The following TUBD1 variants were observed in gnomAD, a reference collection of about 807,000 sequenced individuals.
The protein encoded by TUBD1 is tubulin delta chain.
A neutral mutation model predicts 51.2 loss-of-function variants in TUBD1; 38 were observed. The ratio of observed to expected loss-of-function variants is 0.74; its 90% CI spans 0.57 to 0.97. The LOEUF is 0.97. Among genes scored for constraint, TUBD1 ranks in the 50% least tolerant of loss-of-function variants. The pLI is 0.00. For missense variants in TUBD1, 489 were observed against 538.4 expected (o/e 0.91, Z 0.91); for synonymous variants, 169 against 178.2 (o/e 0.95, Z 0.41).
intron 1 of TUBD1, chr17:59,891,860 G>C (rs1209068687): frequency 6.6e-6 from 1 of 152,030 alleles, no homozygotes; most frequent in African/African-American, 2.4e-5. Context: ...AGCTACTCGG[G>C]AGGCTGAGGT....
chr17:59,860,894 T>C (rs534795173), intron 8 of TUBD1, among the ~76,000 whole-genome samples: 49 of 151,762 alleles, frequency 3.2e-4, no homozygotes, highest in African/African-American at 1.2e-3. Context: ...GCCTGAACTT[T>C]CAAAATTTAT....
chr17:59,881,209 A>G (rs2040475100), intron 3 of TUBD1, 99 bp from the exon 4 acceptor site: 1 of 1,009,024 alleles, frequency 9.9e-7, no homozygotes, highest in Non-Finnish European at 1.5e-6. Flanking sequence ...TTTTTTCAAA[A>G]CTACGGAAGT....
intron 2 of TUBD1, among the ~76,000 whole-genome samples, chr17:59,887,613 A>G (rs184103114): frequency 4.0e-4 from 61 of 152,246 alleles, no homozygotes; most frequent in African/African-American, 1.4e-3. Flanking sequence ...AATGCTAGAA[A>G]AGCCTGAACT....
chr17:59,890,426 T>G (rs1272067161), intron 2 of TUBD1, among the ~76,000 whole-genome samples: 1 of 151,812 alleles, frequency 6.6e-6, no homozygotes, highest in Non-Finnish European at 1.5e-5. Flanking sequence ...GTATTTTTAG[T>G]AGAGATGGGG....
chr17:59,873,168 T>C (rs2040073481), intron 6 of TUBD1, among the ~76,000 whole-genome samples: 1 of 152,172 alleles, frequency 6.6e-6, no homozygotes, highest in Non-Finnish European at 1.5e-5. Flanking sequence ...TTGAAAGTAG[T>C]TTCATCTGTG....
rs373242143 is a variant in TUBD1, at chr17:59,877,014, C to T, written c.769+1089G>A. On this transcript the variant is annotated intron_variant, in intron 5 of 8. Transcript: ENST00000325752. ...AGCTGGGATTACAGGTACCCACCAC[C>T]ATGCCTGGCTAATTTTTGTATTTTC... Among the ~76,000 whole-genome samples the T allele has an allele frequency of 2.4e-4, 37 of 152,158 alleles. 1 individual carries two copies. In the East Asian group the frequency reaches 3.5e-3, roughly 14 times the overall value.
At chr17:59,867,764 G>A (rs1317086803) in intron 6 of TUBD1, among the ~76,000 whole-genome samples, 1 of 151,982 alleles carries the variant, frequency 6.6e-6, no homozygotes, top group South Asian at 2.1e-4. Flanking sequence ...ACTTTTGGGG[G>A]CTTTGGGAGG....
intron 5 of TUBD1, among the ~76,000 whole-genome samples, chr17:59,876,088 C>T (rs1026121408): frequency 7.9e-5 from 12 of 152,092 alleles, no homozygotes; most frequent in Non-Finnish European, 4.4e-5. Flanking sequence ...ATGTAGAATT[C>T]TTTTCTGTAA....
chr17:59,868,762 G>A (rs9910208), intron 6 of TUBD1, among the ~76,000 whole-genome samples: 2,042 of 151,948 alleles, frequency 0.013, 40 homozygotes, highest in African/African-American at 0.046. Flanking sequence ...GCTTGAACCC[G>A]GGAGGCGGAG....
intron 5 of TUBD1, 73 bp from the exon 6 acceptor site, chr17:59,874,776 G>C: frequency 7.8e-7 from 1 of 1,282,702 alleles, no homozygotes; most frequent in Non-Finnish European, 1.1e-6. Context: ...ATATAACCAT[G>C]ATTTGAAGGT....
chr17:59,890,161 T>C (rs2040931804), intron 2 of TUBD1, among the ~76,000 whole-genome samples: 1 of 152,052 alleles, frequency 6.6e-6, no homozygotes, highest in Non-Finnish European at 1.5e-5. Flanking sequence ...GATCTGGTGA[T>C]TCGGAGGTCA....
intron 7 of TUBD1, 152 bp downstream of exon 7, chr17:59,866,457 A>G: frequency 1.2e-6 from 1 of 830,524 alleles, no homozygotes; most frequent in Non-Finnish European, 1.9e-6. Context: ...CTAGTCACAT[A>G]CTAACTGATG....
chr17:59,879,362 G>A (rs574555114), intron 4 of TUBD1, among the ~76,000 whole-genome samples: 1 of 152,220 alleles, frequency 6.6e-6, no homozygotes, highest in African/African-American at 2.4e-5. Flanking sequence ...CCCAACATGA[G>A]GTCAAGGTGT....
chr17:59,871,334 G>A (rs1216065491), intron 6 of TUBD1, among the ~76,000 whole-genome samples: 1 of 151,998 alleles, frequency 6.6e-6, no homozygotes, highest in Non-Finnish European at 1.5e-5. Flanking sequence ...TGAGTAGCTG[G>A]GACTACAGGC....
chr17:59,892,277 C>A (rs1002719565), intron 1 of TUBD1, among the ~76,000 whole-genome samples: 1 of 152,074 alleles, frequency 6.6e-6, no homozygotes, highest in African/African-American at 2.4e-5. Context: ...CGCAATGGCT[C>A]ATGCCTGTAA....
At chr17:59,870,615 A>G (rs2039941492) in intron 6 of TUBD1, among the ~76,000 whole-genome samples, 1 of 151,926 alleles carries the variant, frequency 6.6e-6, no homozygotes, top group African/African-American at 2.4e-5. Flanking sequence ...ACGAAGTAGC[A>G]GCTTTCGCAG....
intron 2 of TUBD1, among the ~76,000 whole-genome samples, chr17:59,889,010 CTTTTTTTT>C (rs756097623): frequency 1.8e-5 from 1 of 55,778 alleles, no homozygotes; most frequent in Non-Finnish European, 3.1e-5. Flanking sequence ...CCATGCCTGG[CTTTTTTTT>C]TTTTTTTTTT....
chr17:59,887,328 C>T (rs1391235659), intron 2 of TUBD1, among the ~76,000 whole-genome samples: 4 of 151,572 alleles, frequency 2.6e-5, no homozygotes, highest in Non-Finnish European at 4.4e-5. Context: ...GCTGCAATCA[C>T]ACCACTGTGC....
intron 4 of TUBD1, among the ~76,000 whole-genome samples, chr17:59,879,775 G>A (rs187875325): frequency 5.3e-5 from 8 of 150,218 alleles, no homozygotes; most frequent in African/African-American, 9.8e-5. Context: ...TTTTTAAGAC[G>A]GGAGTCTTGC....
Sources: allele counts gnomAD v4.1 joint callset (sites outside exome capture counted in the v4.1 genomes callset), GRCh38; gene constraint gnomAD v4.1.1; transcripts MANE v1.5; gene names NCBI Gene and HGNC (gene_info 2026-07-23, HGNC 2026-07-21).